The following TSKU variants were observed in gnomAD, a reference collection of about 807,000 sequenced individuals.
TSKU encodes the protein tsukushi, small leucine rich proteoglycan.
A neutral mutation model predicts 11.2 loss-of-function variants in TSKU; 4 were observed. The observed-to-expected ratio is 0.36, with a 90% CI of 0.18 to 0.82. The LOEUF is 0.82. TSKU is among the 40% of genes least tolerant of loss of function. The pLI, the probability that TSKU is intolerant of heterozygous loss-of-function variation, is 0.50. For missense variants in TSKU, 407 were observed against 482.5 expected (o/e 0.84, Z 1.47); for synonymous variants, 220 against 232.2 (o/e 0.95, Z 0.48).
At chr11:76,786,775 C>T (rs959066252) in intron 1 of TSKU, among the ~76,000 whole-genome samples, 10 of 152,160 alleles carry the variant, frequency 6.6e-5, no homozygotes, top group African/African-American at 1.7e-4. Flanking sequence ...GCAGCTTTTG[C>T]CTGCTTTGGT....
chr11:76,795,602 T>C lies in TSKU; in HGVS notation c.-8-7T>C. ...CATTCATTCCTCACCTGTGGCTCTC[T>C]TTCTAGCCCCCACCATGCCGTGGCC... On this transcript the variant is annotated splice_region_variant and splice_polypyrimidine_tract_variant and intron_variant, in intron 1 of 1. Transcript: ENST00000333090. 6.2e-7 allele frequency: 1 copy of C among 1,605,066 alleles called. No individual in the cohort carries two copies. Among genetic ancestry groups the C allele is most frequent in the Non-Finnish European group, 8.5e-7 (1 of 1,178,648 alleles).
intron 1 of TSKU, among the ~76,000 whole-genome samples, chr11:76,789,066 G>C (rs1027869063): frequency 2.0e-5 from 3 of 152,244 alleles, no homozygotes; most frequent in African/African-American, 4.8e-5. Flanking sequence ...TCAGGTCCCA[G>C]GTCCTGGGCC....
chr11:76,796,045 C>T lies in TSKU; in HGVS notation c.429C>T (p.Leu143=), dbSNP rs776902699. 3 of 1,613,926 alleles carry T rather than the reference C, an allele frequency of 1.9e-6. No homozygotes were observed. The South Asian group carries it at 3.3e-5, about 18-fold the overall frequency. Residue 143 remains leucine, a synonymous_variant, in exon 2 of 2, where the codon CTC becomes CTT. Coordinates refer to ENST00000333090, the MANE Select transcript of TSKU (RefSeq NM_015516.4). This position sits in a 1 kb window ranked among gnomAD's most constrained non-coding sequence, Gnocchi z 4.1. The part of the protein sequence containing the change: ...LSDVNLSHNQ[L]REVSVSAFTT... ...ACGTGAACCTTAGCCACAACCAGCT[C>T]CGGGAGGTCTCAGTGTCTGCCTTCA...
At chr11:76,784,534 C>T (rs1030378359) in intron 1 of TSKU, among the ~76,000 whole-genome samples, 1 of 152,206 alleles carries the variant, frequency 6.6e-6, no homozygotes, top group Non-Finnish European at 1.5e-5. Flanking sequence ...CGCGGAGTCG[C>T]GGTCACTCTG....
At position 76,784,756 on chromosome 11, in the gene TSKU, GGGGT is replaced by G. The variant is rs200272073; in HGVS notation, c.-9+1354_-9+1357del. The stretch of plus-strand genomic sequence containing the variant: ...GGGGCTGACCGGAGGTGGGGGGGGG[GGGGT>G]GCTCAGAGCTGCAGGAGCCTGCTGG... On this transcript the variant is annotated intron_variant, in intron 1 of 1. Transcript: ENST00000333090. Among the ~76,000 whole-genome samples the G allele has an allele frequency of 5.8e-3, 844 of 144,820 alleles. 54 individuals are homozygous for G. Among genetic ancestry groups the G allele is most frequent in the African/African-American group, 0.021 (770 of 36,562 alleles).
At chr11:76,789,182 G>A (rs1944340841) in intron 1 of TSKU, among the ~76,000 whole-genome samples, 1 of 152,248 alleles carries the variant, frequency 6.6e-6, no homozygotes, top group Admixed American at 6.5e-5. Flanking sequence ...CAAGTTTGGA[G>A]ATGTATTAGC....
intron 1 of TSKU, among the ~76,000 whole-genome samples, chr11:76,790,033 C>A (rs1474116597): frequency 8.0e-6 from 1 of 124,744 alleles, no homozygotes; most frequent in African/African-American, 3.0e-5. Context: ...CACCACCCAC[C>A]CCCCGCCCCC....
At chr11:76,786,793 A>G (rs1022007345) in intron 1 of TSKU, among the ~76,000 whole-genome samples, 1 of 151,854 alleles carries the variant, frequency 6.6e-6, no homozygotes, top group Admixed American at 6.6e-5. Context: ...GGTCTCTGAG[A>G]CCTTTCCAGC....
At chr11:76,786,780 T>C (rs1944317221) in intron 1 of TSKU, among the ~76,000 whole-genome samples, 1 of 152,200 alleles carries the variant, frequency 6.6e-6, no homozygotes, top group Admixed American at 6.5e-5. Flanking sequence ...TTTTGCCTGC[T>C]TTGGTCTCTG....
chr11:76,787,600 G>A (rs934958939), intron 1 of TSKU, among the ~76,000 whole-genome samples: 1 of 152,206 alleles, frequency 6.6e-6, no homozygotes, highest in Non-Finnish European at 1.5e-5. Context: ...GCATGGGAGA[G>A]GTTGAGAGGT....
intron 1 of TSKU, among the ~76,000 whole-genome samples, chr11:76,790,102 C>G (rs1944350876): frequency 6.9e-6 from 1 of 144,772 alleles, no homozygotes; most frequent in Non-Finnish European, 1.5e-5. Context: ...TTAGGATATG[C>G]TTTTGTTAAA....
chr11:76,793,173 GAC>G (rs1312013471), intron 1 of TSKU, among the ~76,000 whole-genome samples: 1 of 152,262 alleles, frequency 6.6e-6, no homozygotes, highest in Non-Finnish European at 1.5e-5. Context: ...AGCATCTGCA[GAC>G]AGTTACCTAG....
intron 1 of TSKU, among the ~76,000 whole-genome samples, chr11:76,787,657 C>T (rs1176070278): frequency 3.9e-5 from 6 of 152,192 alleles, no homozygotes; most frequent in East Asian, 1.9e-4. Context: ...TGCATCTTCA[C>T]GTGGTGTCTG....
At chr11:76,790,669 G>A (rs1675992416) in intron 1 of TSKU, among the ~76,000 whole-genome samples, 1 of 152,108 alleles carries the variant, frequency 6.6e-6, no homozygotes, top group African/African-American at 2.4e-5. Context: ...AGTGCGTTTT[G>A]CCCTCCGCCA....
intron 1 of TSKU, among the ~76,000 whole-genome samples, chr11:76,790,813 T>C (rs10899281): frequency 0.3 from 45,069 of 151,964 alleles, 7,604 homozygotes; most frequent in African/African-American, 0.46. Flanking sequence ...TTGGTACCAG[T>C]AGAGTGGGGG....
At chr11:76,791,449 GA>G (rs139836602) in intron 1 of TSKU, among the ~76,000 whole-genome samples, 1 of 152,074 alleles carries the variant, frequency 6.6e-6, no homozygotes, top group African/African-American at 2.4e-5. Flanking sequence ...GGCGTAGGAG[GA>G]AAAAAATGGT....
At chr11:76,784,618 G>A (rs1255298908) in intron 1 of TSKU, among the ~76,000 whole-genome samples, 3 of 152,238 alleles carry the variant, frequency 2.0e-5, no homozygotes, top group Non-Finnish European at 4.4e-5. Flanking sequence ...GGAGCCGGGC[G>A]GAGAGCAGCG....
rs552163739 is a variant in TSKU at position 76,793,222 on chromosome 11, A to G, written c.-8-2387A>G. ...CCCTTTACATCAGATGCCTCTTTAC[A>G]TCGGCTGTTACTACCATTGCCTCAG... On this transcript the variant is annotated intron_variant, in intron 1 of 1. Coordinates refer to ENST00000333090, the MANE Select transcript of TSKU (RefSeq NM_015516.4). 8.7e-4 allele frequency among the ~76,000 whole-genome samples: 133 copies of G among 152,380 alleles called. No homozygotes were observed. The South Asian group carries it at 0.01, about 12-fold the overall frequency.
chr11:76,795,992 G>A lies in TSKU; in HGVS notation c.376G>A (p.Glu126Lys), dbSNP rs374470717. 11 of 1,613,398 alleles carry A rather than the reference G, an allele frequency of 6.8e-6. No homozygotes were observed. The highest frequency in any genetic ancestry group is 2.2e-5 in the South Asian group (2 of 91,040). The change falls in exon 2 of 2, where the codon GAG becomes AAG. Residue 126 changes from glutamate (E) to lysine (K), a missense_variant. Physicochemically the swap from Glu to Lys is moderately conservative, Grantham distance 56 (BLOSUM62 1). Transcript: ENST00000333090. ...SHNGLTALPA[E>K]SFTSSPLSDV... ...CAATGGCCTGACAGCCCTGCCAGCC[G>A]AGAGCTTCACCAGCTCACCCCTGAG...
Sources: allele counts gnomAD v4.1 joint callset (sites outside exome capture counted in the v4.1 genomes callset), GRCh38; gene constraint gnomAD v4.1.1; non-coding constraint Gnocchi (gnomAD v3.1); transcripts MANE v1.5; gene names NCBI Gene and HGNC (gene_info 2026-07-23, HGNC 2026-07-21).